The following RGS7 variants were observed in gnomAD, a reference collection of about 807,000 sequenced individuals.
The protein encoded by RGS7 is regulator of G protein signaling 7.
A neutral mutation model predicts 81.1 loss-of-function variants in RGS7; 27 were observed. The observed-to-expected ratio is 0.33, with a 90% CI of 0.25 to 0.46. RGS7 has a LOEUF of 0.46. RGS7 is among the 20% of genes least tolerant of loss of function. The probability of loss-of-function intolerance (pLI) is 1.00; values close to 1 mark genes in which losing one functional copy is unlikely to be tolerated. For missense variants in RGS7, 396 were observed against 607.4 expected, an observed-to-expected ratio of 0.65 and a Z score of 3.66; for synonymous variants, 208 against 207.7, an observed-to-expected ratio of 1.00 and a Z score of -0.01.
chr1:240,886,868 T>C (rs1481106159), intron 6 of RGS7, among the ~76,000 whole-genome samples: 3 of 152,236 alleles, frequency 2.0e-5, no homozygotes, highest in Non-Finnish European at 4.4e-5. Flanking sequence ...CATTCACAGA[T>C]ATTCTAGAAC....
intron 5 of RGS7, among the ~76,000 whole-genome samples, chr1:240,933,153 A>G (rs1002881128): frequency 9.2e-5 from 14 of 151,460 alleles, no homozygotes; most frequent in South Asian, 8.3e-4. Flanking sequence ...AAGTGCTGGG[A>G]TTACAGGTGT....
chr1:241,057,585 T>C (rs2061534760), intron 3 of RGS7, among the ~76,000 whole-genome samples: 2 of 151,468 alleles, frequency 1.3e-5, no homozygotes, highest in African/African-American at 4.9e-5. Flanking sequence ...CTTATTCTTC[T>C]TACTGTAGGA....
chr1:241,156,198 AG>A (rs1359038604), intron 2 of RGS7, among the ~76,000 whole-genome samples: 1 of 152,110 alleles, frequency 6.6e-6, no homozygotes, highest in Non-Finnish European at 1.5e-5. Context: ...ACAGACAGAA[AG>A]ATAGATGCTA....
chr1:240,844,504 A>G (rs1380973055), intron 9 of RGS7, among the ~76,000 whole-genome samples: 7 of 152,220 alleles, frequency 4.6e-5, no homozygotes, highest in Admixed American at 1.3e-4. Flanking sequence ...ACAAGGGATA[A>G]AAGCACCAAC....
In RGS7 at chr1:241,306,281, C is replaced by A. The variant is rs115665189; in HGVS notation, c.78+49418G>T. 8.3e-3 allele frequency among the ~76,000 whole-genome samples: 1,246 copies of A among 150,126 alleles called. 16 individuals carry two copies. Among genetic ancestry groups the A allele is most frequent in the African/African-American group, 0.029 (1,199 of 40,854 alleles). ...CATGTCCACACACATACACACACAC[C>A]CTTACACACATACCCTCACATGTAC... On this transcript the variant is annotated intron_variant, in intron 2 of 18. Coordinates refer to ENST00000440928, the MANE Select transcript of RGS7 (RefSeq NM_001364886.1).
chr1:240,922,779 A>T (rs962934015), intron 6 of RGS7, among the ~76,000 whole-genome samples: 64 of 152,250 alleles, frequency 4.2e-4, no homozygotes, highest in Non-Finnish European at 1.0e-4. Flanking sequence ...AATGCAAAAT[A>T]GTGTAGCCAC....
At chr1:241,009,630 T>C (rs1056574351) in intron 3 of RGS7, among the ~76,000 whole-genome samples, 4 of 152,078 alleles carry the variant, frequency 2.6e-5, no homozygotes, top group Admixed American at 2.6e-4. Flanking sequence ...CATTACTGAG[T>C]TGAAAACTGG....
intron 2 of RGS7, among the ~76,000 whole-genome samples, chr1:241,180,922 A>T (rs2071561988): frequency 6.6e-6 from 1 of 152,222 alleles, no homozygotes; most frequent in Non-Finnish European, 1.5e-5. Context: ...CGGAAACTCC[A>T]ATGCATGTTA....
intron 6 of RGS7, among the ~76,000 whole-genome samples, chr1:240,891,415 C>T (rs1482691655): frequency 1.3e-5 from 2 of 152,068 alleles, no homozygotes; most frequent in Non-Finnish European, 2.9e-5. Flanking sequence ...CGACCTTGGC[C>T]ATAACTTTCT....
chr1:241,168,328 AAAAT>A (rs1268752951), intron 2 of RGS7, among the ~76,000 whole-genome samples: 1 of 152,206 alleles, frequency 6.6e-6, no homozygotes, highest in African/African-American at 2.4e-5. Flanking sequence ...ATTGAAGAGA[AAAAT>A]AAAATATTAT....
At chr1:241,334,026 G>T (rs2082108340) in intron 2 of RGS7, among the ~76,000 whole-genome samples, 1 of 150,384 alleles carries the variant, frequency 6.6e-6, no homozygotes, top group African/African-American at 2.4e-5. Context: ...ATATTGATCT[G>T]TATATACATA....
chr1:240,783,618 G>C (rs1684502376), intron 18 of RGS7, among the ~76,000 whole-genome samples: 1 of 151,334 alleles, frequency 6.6e-6, no homozygotes. Context: ...GCGAGACTCT[G>C]TCTCAAAAAA....
intron 2 of RGS7, among the ~76,000 whole-genome samples, chr1:241,261,927 A>C (rs1558248807): frequency 6.6e-6 from 1 of 152,222 alleles, no homozygotes; most frequent in Non-Finnish European, 1.5e-5. Context: ...AAATAATAAT[A>C]AATATGTATT....
At chr1:240,859,440 G>GTTTTTTTTTTTTTTTTTTTTTTTTTCCTT (rs5782167) in intron 9 of RGS7, among the ~76,000 whole-genome samples, 1 of 110,828 alleles carries the variant, frequency 9.0e-6, no homozygotes, top group Non-Finnish European at 1.8e-5. Context: ...TTTCTTTCCT[G>GTTTTTTTTTTTTTTTTTTTTTTTTTCCTT]TTTTTTTTTT....
intron 3 of RGS7, among the ~76,000 whole-genome samples, chr1:241,078,466 GCA>G (rs1250509850): frequency 1.3e-4 from 13 of 100,910 alleles, no homozygotes; most frequent in Non-Finnish European, 2.7e-4. Flanking sequence ...CACACATAAT[GCA>G]CACACACACG....
chr1:240,850,563 T>G (rs1659921131), intron 9 of RGS7, among the ~76,000 whole-genome samples: 2 of 152,200 alleles, frequency 1.3e-5, no homozygotes, highest in Admixed American at 1.3e-4. Context: ...GACTTCTAAG[T>G]GTTCAAGTGA....
At chr1:241,321,043 C>T (rs1434455805) in intron 2 of RGS7, among the ~76,000 whole-genome samples, 6 of 152,152 alleles carry the variant, frequency 3.9e-5, no homozygotes, top group African/African-American at 1.4e-4. Flanking sequence ...GACACACTGA[C>T]TATCACTCAC....
intron 9 of RGS7, among the ~76,000 whole-genome samples, chr1:240,836,079 T>C (rs1221253730): frequency 1.4e-5 from 2 of 142,908 alleles, no homozygotes; most frequent in African/African-American, 5.3e-5. Context: ...AACTACAGAG[T>C]GCAGGTGATA....
At chr1:241,313,227 T>C (rs1401584358) in intron 2 of RGS7, among the ~76,000 whole-genome samples, 2 of 152,220 alleles carry the variant, frequency 1.3e-5, no homozygotes, top group East Asian at 1.9e-4. Context: ...GCCAAGAGAA[T>C]TGATGAAGGT....
Sources: allele counts gnomAD v4.1 joint callset (sites outside exome capture counted in the v4.1 genomes callset), GRCh38; gene constraint gnomAD v4.1.1; transcripts MANE v1.5; gene names NCBI Gene and HGNC (gene_info 2026-07-23, HGNC 2026-07-21).